The following SCN11A variants were observed in gnomAD, a reference collection of about 807,000 sequenced individuals.
SCN11A encodes the protein sodium channel protein type 11 subunit alpha.
A neutral mutation model predicts 162.2 loss-of-function variants in SCN11A; 122 were observed. The ratio of observed to expected loss-of-function variants is 0.75; its 90% confidence interval spans 0.65 to 0.87. The LOEUF is 0.87. Among genes scored for constraint, SCN11A ranks in the 40% least tolerant of loss-of-function variants. SCN11A has a pLI of 0.00. For missense variants in SCN11A, 2,015 were observed against 2,181.6 expected (o/e 0.92, Z 1.52); for synonymous variants, 758 against 751.5 (o/e 1.01, Z -0.14).
chr3:38,934,443 A>G (rs1183631207), intron 7 of SCN11A, among the ~76,000 whole-genome samples: 1 of 152,242 alleles, frequency 6.6e-6, no homozygotes, highest in Non-Finnish European at 1.5e-5. Context: ...TTGGATAAAG[A>G]GTCAAGACCC....
chr3:39,029,379 A>G (rs989834298), intron 2 of SCN11A, among the ~76,000 whole-genome samples: 1 of 152,224 alleles, frequency 6.6e-6, no homozygotes, highest in African/African-American at 2.4e-5. Flanking sequence ...TTCTTTTACT[A>G]TGAGATGCCT....
chr3:38,976,832 C>A (rs374033555), intron 2 of SCN11A, among the ~76,000 whole-genome samples: 6 of 152,324 alleles, frequency 3.9e-5, no homozygotes, highest in African/African-American at 1.4e-4. Flanking sequence ...TTTCTCCCGT[C>A]CCCCTACCCA....
chr3:38,960,198 G>A (rs1216577353), intron 3 of SCN11A, among the ~76,000 whole-genome samples, 85 bp downstream of exon 3: 1 of 152,138 alleles, frequency 6.6e-6, no homozygotes, highest in Non-Finnish European at 1.5e-5. Flanking sequence ...ACTCTACCCT[G>A]ATGAGAAAAA....
chr3:38,861,695 A>G (rs2064967138), intron 28 of SCN11A, among the ~76,000 whole-genome samples: 1 of 152,180 alleles, frequency 6.6e-6, no homozygotes, highest in Non-Finnish European at 1.5e-5. Flanking sequence ...TGCATGTAGA[A>G]GAATGAAGCC....
chr3:39,020,981 T>C (rs1192531196), intron 2 of SCN11A, among the ~76,000 whole-genome samples: 3 of 152,028 alleles, frequency 2.0e-5, no homozygotes, highest in Non-Finnish European at 4.4e-5. Context: ...GGAGGAACTA[T>C]TGCAATAGTG....
At chr3:38,975,382 A>G (rs973657906) in intron 2 of SCN11A, among the ~76,000 whole-genome samples, 1 of 152,218 alleles carries the variant, frequency 6.6e-6, no homozygotes, top group Non-Finnish European at 1.5e-5. Context: ...ATAATGTCTA[A>G]TAGAATAATG....
chr3:38,997,507 T>A lies in SCN11A; in HGVS notation c.-280+34873A>T, dbSNP rs371479294. The stretch of plus-strand genomic sequence containing the variant: ...TCATGCTATGCTTTATTTTTATTTT[T>A]CGTTTCCATAGTACTTACTCTCTTT... On this transcript the variant is annotated intron_variant, in intron 2 of 29. Coordinates refer to ENST00000302328, the MANE Select transcript of SCN11A (RefSeq NM_001349253.2). Among the ~76,000 whole-genome samples the A allele has an allele frequency of 5.9e-5, 9 of 152,242 alleles. No individual in the cohort carries two copies. The East Asian group carries it at 1.5e-3, about 26-fold the overall frequency.
At position 38,926,818 on chromosome 3, in the gene SCN11A, A is replaced by G. The variant is rs574583720; in HGVS notation, c.602T>C (p.Ile201Thr). The G allele has an allele frequency of 1.7e-5, 27 of 1,613,828 alleles. No homozygotes were observed. In the South Asian group the frequency reaches 2.6e-4, roughly 16 times the overall value. ...LRDPWNWLDS[I>T]VIGIAIVSYI... ...ATATTCTTACGCTATTCCAATGACA[A>G]TGGAGTCCAGCCAGTTCCATGGATC... Residue 201 changes from isoleucine (I) to threonine (T), a missense_variant, in exon 8 of 30, where the codon ATT becomes ACT. Transcript: ENST00000302328.
chr3:38,911,429 A>C (rs1433939877), intron 11 of SCN11A, among the ~76,000 whole-genome samples: 1 of 152,102 alleles, frequency 6.6e-6, no homozygotes, highest in East Asian at 1.9e-4. Flanking sequence ...TCTTTTGCCC[A>C]TTAGTTTTAA....
chr3:38,946,134 G>A (rs2066512837), intron 6 of SCN11A, among the ~76,000 whole-genome samples: 2 of 152,078 alleles, frequency 1.3e-5, no homozygotes, highest in Admixed American at 6.6e-5. Flanking sequence ...GACTGACATT[G>A]CAAACCCTAA....
At chr3:39,041,455 GA>G (rs942161649) in intron 1 of SCN11A, among the ~76,000 whole-genome samples, 61 of 151,702 alleles carry the variant, frequency 4.0e-4, no homozygotes, top group Non-Finnish European at 7.4e-4. Flanking sequence ...AAAACAGCAA[GA>G]AAAAAATGTC....
chr3:38,898,994 C>T (rs9827727), intron 17 of SCN11A, among the ~76,000 whole-genome samples: 10,056 of 152,064 alleles, frequency 0.066, 1,044 homozygotes, highest in African/African-American at 0.22. Context: ...AGCTTAATAA[C>T]ACCTGACTTT....
chr3:38,908,730 G>A (rs1559524999), intron 13 of SCN11A, among the ~76,000 whole-genome samples: 2 of 152,036 alleles, frequency 1.3e-5, no homozygotes, highest in Non-Finnish European at 2.9e-5. Context: ...AGTAATTTAG[G>A]GCATGTCTTA....
chr3:39,038,346 C>T (rs1483722649), intron 1 of SCN11A, among the ~76,000 whole-genome samples: 1 of 152,176 alleles, frequency 6.6e-6, no homozygotes, highest in South Asian at 2.1e-4. Context: ...TAACTATCCT[C>T]ATTTTCTATA....
At chr3:39,051,835 G>A (rs6599003) in intron 1 of SCN11A, among the ~76,000 whole-genome samples, 26 bp downstream of exon 1, 67,601 of 151,994 alleles carry the variant, frequency 0.44, 18,187 homozygotes, top group African/African-American at 0.77. Flanking sequence ...TACTTGCACA[G>A]TGGTTTTGTT....
At chr3:38,995,143 T>C (rs1345067103) in intron 2 of SCN11A, among the ~76,000 whole-genome samples, 1 of 152,022 alleles carries the variant, frequency 6.6e-6, no homozygotes, top group Non-Finnish European at 1.5e-5. Flanking sequence ...CTTTTTTTTT[T>C]TTTTTGAGTT....
At chr3:38,967,330 T>C (rs1002626811) in intron 2 of SCN11A, among the ~76,000 whole-genome samples, 4 of 152,224 alleles carry the variant, frequency 2.6e-5, no homozygotes, top group African/African-American at 9.6e-5. Flanking sequence ...TTGCAAGTTT[T>C]GTCTTGCTGT....
intron 11 of SCN11A, among the ~76,000 whole-genome samples, chr3:38,912,954 C>A (rs1247012658): frequency 6.6e-6 from 1 of 152,154 alleles, no homozygotes; most frequent in Non-Finnish European, 1.5e-5. Context: ...GTGTGTGTAT[C>A]TTTACAGTAG....
chr3:38,932,645 G>A (rs752019844), intron 7 of SCN11A, among the ~76,000 whole-genome samples: 1 of 152,204 alleles, frequency 6.6e-6, no homozygotes, highest in Non-Finnish European at 1.5e-5. Context: ...AGATCAAACT[G>A]CAAGGCAGCA....
Sources: gnomAD v4.1 joint callset for allele counts (sites outside exome capture counted in the v4.1 genomes callset) on GRCh38, gnomAD v4.1.1 for gene constraint, MANE v1.5 for transcripts, NCBI Gene and HGNC (gene_info 2026-07-23, HGNC 2026-07-21) for gene names.